KLRG1: variants seen among roughly 807,000 people sequenced by gnomAD.
The protein encoded by KLRG1 is killer cell lectin-like receptor subfamily G member 1.
KLRG1 carries 16 observed loss-of-function variants against 21.8 expected under a neutral mutation model. The ratio of observed to expected loss-of-function variants is 0.73; its 90% CI spans 0.50 to 1.11. KLRG1 has a LOEUF of 1.11. Ranked by LOEUF, KLRG1 falls within the 50% of genes most tolerant of loss-of-function variation. KLRG1 has a pLI of 0.00. For missense variants in KLRG1, 173 were observed against 218.3 expected (o/e 0.79, Z 1.31); for synonymous variants, 69 against 75.9 (o/e 0.91, Z 0.47).
chr12:9,055,671 G>A, the KLRG1 span: 3 of 152,598 alleles, frequency 2.0e-5, no homozygotes, highest in African/African-American at 7.2e-5. Flanking sequence ...TTAAAAAGTC[G>A]TGGGTCTGGG....
the KLRG1 span, among the ~76,000 whole-genome samples, chr12:9,060,900 T>C: frequency 6.6e-6 from 1 of 152,340 alleles, no homozygotes; most frequent in South Asian, 2.1e-4. Flanking sequence ...ACAGTATATT[T>C]ATATTTCCTG....
chr12:9,152,257 A>G, the KLRG1 span: 2 of 1,613,106 alleles, frequency 1.2e-6, no homozygotes, highest in Non-Finnish European at 1.7e-6. Context: ...AAAACCAGAT[A>G]CCATCTTTAC....
chr12:9,014,939 A>G (rs908614056), downstream of KLRG1, among the ~76,000 whole-genome samples: 1 of 152,194 alleles, frequency 6.6e-6, no homozygotes, highest in Non-Finnish European at 1.5e-5. Context: ...AGTTGTCATC[A>G]GTTTAAAATA....
the KLRG1 span, among the ~76,000 whole-genome samples, chr12:9,194,936 A>C: frequency 6.6e-6 from 1 of 152,150 alleles, no homozygotes; most frequent in Non-Finnish European, 1.5e-5. Context: ...TCTGCGCTTC[A>C]GTTTTCCACC....
At chr12:9,206,031 A>C in the KLRG1 span, among the ~76,000 whole-genome samples, 1 of 152,182 alleles carries the variant, frequency 6.6e-6, no homozygotes, top group Non-Finnish European at 1.5e-5. Flanking sequence ...ATGAGTAGTA[A>C]GGTTTTGTTC....
the KLRG1 span, among the ~76,000 whole-genome samples, chr12:9,025,731 G>A: frequency 6.6e-6 from 1 of 152,204 alleles, no homozygotes; most frequent in African/African-American, 2.4e-5. Context: ...TGGACAACTG[G>A]AAGAAGTAAC....
At chr12:9,207,032 C>T in the KLRG1 span, among the ~76,000 whole-genome samples, 4 of 152,110 alleles carry the variant, frequency 2.6e-5, no homozygotes, top group Non-Finnish European at 5.9e-5. Flanking sequence ...GAGAAATGTA[C>T]CCCTACCGGT....
intron 1 of KLRG1, among the ~76,000 whole-genome samples, chr12:8,973,052 G>A (rs1946596663): frequency 6.6e-6 from 1 of 151,606 alleles, no homozygotes; most frequent in Admixed American, 6.6e-5. Flanking sequence ...GCTGGGATTT[G>A]GGAGGCGGAG....
the KLRG1 span, among the ~76,000 whole-genome samples, chr12:9,183,174 AT>A: frequency 6.6e-6 from 1 of 152,226 alleles, no homozygotes. Context: ...ACAAAGTATA[AT>A]ATCAGGATGA....
At chr12:9,175,033 G>A in the KLRG1 span, among the ~76,000 whole-genome samples, 2 of 152,162 alleles carry the variant, frequency 1.3e-5, no homozygotes, top group Admixed American at 1.3e-4. Flanking sequence ...AACAAAGCTG[G>A]AGGCATCATG....
the KLRG1 span, among the ~76,000 whole-genome samples, chr12:9,033,971 C>T: frequency 3.3e-4 from 51 of 152,320 alleles, no homozygotes; most frequent in African/African-American, 1.1e-3. Context: ...CAGAGAGCAT[C>T]TCACCTGTAT....
the KLRG1 span, chr12:9,058,555 A>G: frequency 1.3e-5 from 2 of 152,234 alleles, no homozygotes; most frequent in Admixed American, 1.3e-4. Context: ...AAATATTCAT[A>G]TGCTCATTTT....
At chr12:9,047,348 T>C in the KLRG1 span, among the ~76,000 whole-genome samples, 1 of 152,228 alleles carries the variant, frequency 6.6e-6, no homozygotes, top group Admixed American at 6.5e-5. Flanking sequence ...TGTAGTGTTA[T>C]TTGAAAACAG....
the KLRG1 span, among the ~76,000 whole-genome samples, chr12:9,143,493 A>T: frequency 6.6e-6 from 1 of 152,060 alleles, no homozygotes; most frequent in Admixed American, 6.5e-5. Flanking sequence ...TTTAGAAGGA[A>T]GGAATTTCAG....
chr12:9,198,488 A>G, the KLRG1 span, among the ~76,000 whole-genome samples: 3 of 152,214 alleles, frequency 2.0e-5, no homozygotes, highest in Non-Finnish European at 4.4e-5. Flanking sequence ...ATAATAACTA[A>G]GCAAATCTAA....
chr12:9,156,892 A>C, the KLRG1 span, among the ~76,000 whole-genome samples: 1 of 152,020 alleles, frequency 6.6e-6, no homozygotes, highest in African/African-American at 2.4e-5. Flanking sequence ...AGTTTTTAAA[A>C]AAACTTTTAT....
chr12:9,116,284 GAT>G, the KLRG1 span: 1 of 241,808 alleles, frequency 4.1e-6, no homozygotes, highest in African/African-American at 2.2e-5. Context: ...GCTCAAAATA[GAT>G]ATTTCACTAC....
At chr12:9,202,473 T>C in the KLRG1 span, 1 of 1,612,752 alleles carries the variant, frequency 6.2e-7, no homozygotes, top group Non-Finnish European at 8.5e-7. Flanking sequence ...ACTTTGGCTG[T>C]TCAGGTGGCC....
the KLRG1 span, among the ~76,000 whole-genome samples, chr12:9,180,282 AGAATTG>A: frequency 6.6e-6 from 1 of 152,196 alleles, no homozygotes; most frequent in Admixed American, 6.5e-5. Flanking sequence ...CTTTCTTCAC[AGAATTG>A]GAAAAAACTA....
Sources: allele counts gnomAD v4.1 joint callset (sites outside exome capture counted in the v4.1 genomes callset), GRCh38; gene constraint gnomAD v4.1.1; transcripts MANE v1.5; gene names NCBI Gene and HGNC (gene_info 2026-07-23, HGNC 2026-07-21).